RALGAPA2: variants seen among roughly 807,000 people sequenced by gnomAD.
RALGAPA2 encodes ral GTPase-activating protein subunit alpha-2.
Under a neutral mutation model 230.4 loss-of-function variants are expected in RALGAPA2, and 139 were observed. The ratio of observed to expected loss-of-function variants is 0.60; its 90% CI spans 0.53 to 0.69. The LOEUF is 0.69. Among genes scored for constraint, RALGAPA2 ranks in the 30% least tolerant of loss-of-function variants. RALGAPA2 has a pLI of 0.00. For missense variants in RALGAPA2, 2,163 were observed against 2,276.0 expected (o/e 0.95, Z 1.01); for synonymous variants, 847 against 837.8 (o/e 1.01, Z -0.19).
intron 18 of RALGAPA2, among the ~76,000 whole-genome samples, chr20:20,586,991 A>G (rs2065152565): frequency 6.6e-6 from 1 of 152,206 alleles, no homozygotes; most frequent in Non-Finnish European, 1.5e-5. Flanking sequence ...CAATGAGGAA[A>G]AAATGAGACA....
rs1473107885 is a variant in RALGAPA2, at chr20:20,591,258, TG to T, written c.2259del (p.Thr754GlnfsTer52). ...ENAPAAGSGHLTVGQQQQVLR... is the reference protein window; with the variant it reads ...ENAPAAGSGHXTVGQQQQVLR... ...AGGACCTGCTGCTGCTGTCCCACTG[TG>T]AGATGGCCAGATCCGGCTGCAGGTG... On this transcript the variant is annotated frameshift_variant, in exon 17 of 40. Transcript: ENST00000202677. LOFTEE classifies it high-confidence loss of function. 6.2e-7 allele frequency: 1 copy of T among 1,610,634 alleles called. No homozygotes were observed. The highest frequency in any genetic ancestry group is 1.7e-5 in the Admixed American group (1 of 60,020).
At chr20:20,620,352 T>TA in intron 11 of RALGAPA2, 111 bp downstream of exon 11, 1 of 1,149,204 alleles carries the variant, frequency 8.7e-7, no homozygotes, top group Admixed American at 2.5e-5. Flanking sequence ...TCAGATGGGA[T>TA]AAAAAAGAGA....
chr20:20,409,174 G>A (rs1425949320), intron 38 of RALGAPA2, among the ~76,000 whole-genome samples: 6 of 152,178 alleles, frequency 3.9e-5, no homozygotes, highest in Admixed American at 3.9e-4. Context: ...CAGAAGCAGA[G>A]GGCATTTTCC....
At chr20:20,522,940 A>T (rs1569461123) in intron 30 of RALGAPA2, among the ~76,000 whole-genome samples, 2 of 152,218 alleles carry the variant, frequency 1.3e-5, no homozygotes, top group Non-Finnish European at 2.9e-5. Context: ...GAAGTATCTA[A>T]TGAATCCTAA....
intron 37 of RALGAPA2, among the ~76,000 whole-genome samples, chr20:20,440,475 G>A (rs749937671): frequency 1.3e-5 from 2 of 152,192 alleles, no homozygotes; most frequent in Non-Finnish European, 2.9e-5. Flanking sequence ...AGGTACTTGA[G>A]GCTCACTGCT....
intron 10 of RALGAPA2, among the ~76,000 whole-genome samples, chr20:20,626,193 A>G (rs931717403): frequency 6.6e-6 from 1 of 152,262 alleles, no homozygotes; most frequent in Non-Finnish European, 1.5e-5. Flanking sequence ...TTGAAAAAAC[A>G]TAGTTATTTT....
intron 13 of RALGAPA2, among the ~76,000 whole-genome samples, chr20:20,613,775 A>G (rs1205389459): frequency 6.6e-6 from 1 of 152,078 alleles, no homozygotes; most frequent in Admixed American, 6.5e-5. Flanking sequence ...GACCTCCCCA[A>G]GGCTCCCCCT....
chr20:20,513,186 G>A lies in RALGAPA2; in HGVS notation c.4183C>T (p.Pro1395Ser). 6.5e-7 allele frequency: 1 copy of A among 1,530,288 alleles called. No individual in the cohort carries two copies. Among genetic ancestry groups the A allele is most frequent in the African/African-American group, 1.4e-5 (1 of 72,124 alleles). 94.8% of individuals were successfully genotyped at this position (1,530,288 alleles called of 1,614,324 possible). A position where few individuals can be genotyped will look rare whatever the true frequency, so the allele number is the denominator to read the frequency against. ...HLGHYPLSGG[P>S]AILHSLVSEN... is the part of the protein sequence containing the mutation. Reference sequence around the variant, plus strand: ...CTGACAAGGCTGTGCAGTATGGCAGGGCCCCCACTGAGGGGGTAGTGCCCC... The same window carrying A: ...CTGACAAGGCTGTGCAGTATGGCAGAGCCCCCACTGAGGGGGTAGTGCCCC... The change falls in exon 32 of 40, where the codon CCT (proline) becomes TCT (serine). Residue 1395 changes from proline (P) to serine (S), a missense_variant. Transcript: ENST00000202677.
intron 24 of RALGAPA2, among the ~76,000 whole-genome samples, chr20:20,538,167 GC>G (rs1201337245): frequency 1.3e-5 from 2 of 152,210 alleles, no homozygotes; most frequent in African/African-American, 4.8e-5. Context: ...TAGCATGGGA[GC>G]CCAGTCCTTC....
chr20:20,428,262 C>G (rs2060428178), intron 37 of RALGAPA2, among the ~76,000 whole-genome samples: 1 of 152,098 alleles, frequency 6.6e-6, no homozygotes, highest in Admixed American at 6.5e-5. Context: ...AATTCCCAAC[C>G]CACACAATTC....
chr20:20,418,458 G>T (rs553123866), intron 37 of RALGAPA2, among the ~76,000 whole-genome samples: 1 of 152,270 alleles, frequency 6.6e-6, no homozygotes, highest in African/African-American at 2.4e-5. Context: ...ACAGACGTGC[G>T]TGCTTGCAGG....
intron 7 of RALGAPA2, among the ~76,000 whole-genome samples, chr20:20,637,971 C>G (rs921149166): frequency 6.6e-6 from 1 of 152,062 alleles, no homozygotes; most frequent in Non-Finnish European, 1.5e-5. Flanking sequence ...TATCAAAAGG[C>G]AAAAGCCATG....
At chr20:20,551,997 A>G (rs563510274) in intron 23 of RALGAPA2, among the ~76,000 whole-genome samples, 10 of 152,212 alleles carry the variant, frequency 6.6e-5, no homozygotes, top group Non-Finnish European at 1.2e-4. Flanking sequence ...TTTCAATTCA[A>G]AATATTGCAC....
intron 24 of RALGAPA2, among the ~76,000 whole-genome samples, chr20:20,540,205 C>T (rs1306675745): frequency 4.6e-5 from 7 of 152,146 alleles, no homozygotes; most frequent in African/African-American, 1.2e-4. Context: ...ATAATGGCTG[C>T]AGCAATTTAC....
chr20:20,490,109 T>G (rs1321545600), intron 36 of RALGAPA2, among the ~76,000 whole-genome samples: 1 of 152,228 alleles, frequency 6.6e-6, no homozygotes, highest in Non-Finnish European at 1.5e-5. Flanking sequence ...CTATAGATTT[T>G]CTTCCATCTG....
chr20:20,577,345 C>T (rs2064852669), intron 20 of RALGAPA2, among the ~76,000 whole-genome samples: 3 of 152,050 alleles, frequency 2.0e-5, no homozygotes, highest in African/African-American at 7.2e-5. Flanking sequence ...GGAAAGATCC[C>T]AAGACACACA....
At chr20:20,701,907 G>C (rs1025487413) in intron 1 of RALGAPA2, among the ~76,000 whole-genome samples, 1 of 151,796 alleles carries the variant, frequency 6.6e-6, no homozygotes, top group Non-Finnish European at 1.5e-5. Context: ...AGGCGCGGCG[G>C]CAGGTGTTTG....
At chr20:20,432,792 T>C (rs1338218574) in intron 37 of RALGAPA2, among the ~76,000 whole-genome samples, 2 of 152,224 alleles carry the variant, frequency 1.3e-5, no homozygotes, top group East Asian at 1.9e-4. Context: ...TTTTTAAAAC[T>C]AGCCCGCTTC....
chr20:20,668,660 T>C lies in RALGAPA2; in HGVS notation c.270+7576A>G, dbSNP rs141373282. Among the ~76,000 whole-genome samples the C allele has an allele frequency of 3.5e-3, 534 of 152,228 alleles. 4 individuals are homozygous for C. The highest frequency in any genetic ancestry group is 0.012 in the African/African-American group (501 of 41,548). On this transcript the variant is annotated intron_variant, in intron 3 of 39. Transcript: ENST00000202677. ...AAATGATAACACAAGGCAGGGCTAT[T>C]ATATGAGTCCAAAGGAAAGAATGAG... is the stretch of plus-strand genomic sequence containing the variant.
Sources: gnomAD v4.1 joint callset for allele counts (sites outside exome capture counted in the v4.1 genomes callset) on GRCh38, gnomAD v4.1.1 for gene constraint, MANE v1.5 for transcripts, NCBI Gene and HGNC (gene_info 2026-07-23, HGNC 2026-07-21) for gene names.